Variants in STAU2 observed in about 807,000 individuals in gnomAD.
STAU2 encodes the protein staufen double-stranded RNA binding protein 2.
STAU2 carries 20 observed loss-of-function variants against 65.9 expected under a neutral mutation model. The ratio of observed to expected loss-of-function variants is 0.30; its 90% CI spans 0.21 to 0.44. The LOEUF (loss-of-function observed/expected upper bound fraction) is 0.44. Among genes scored for constraint, STAU2 ranks in the 20% least tolerant of loss-of-function variants. The probability of loss-of-function intolerance (pLI) is 1.00; values close to 1 mark genes in which losing one functional copy is unlikely to be tolerated. For missense variants in STAU2, 558 were observed against 683.9 expected (o/e 0.82, Z 2.05); for synonymous variants, 232 against 233.9 (o/e 0.99, Z 0.07).
chr8:73,607,357 C>A (rs1185082333), intron 9 of STAU2, among the ~76,000 whole-genome samples: 1 of 152,136 alleles, frequency 6.6e-6, no homozygotes, highest in Admixed American at 6.6e-5. Flanking sequence ...GGCAGTAGGT[C>A]TTTCTCACAC....
intron 12 of STAU2, among the ~76,000 whole-genome samples, chr8:73,575,119 C>G (rs575461998): frequency 3.3e-5 from 2 of 61,324 alleles, no homozygotes; most frequent in Non-Finnish European, 6.3e-5. Flanking sequence ...TGCACACAGT[C>G]CTACCAAGTA....
In STAU2 at chr8:73,709,041, A is replaced by T; in HGVS notation, c.105T>A (p.Ala35=). The T allele has an allele frequency of 2.0e-6, 3 of 1,527,474 alleles. No individual in the cohort carries two copies. The highest frequency in any genetic ancestry group is 2.6e-6 in the Non-Finnish European group (3 of 1,142,602). The allele number at this position is 1,527,474 out of a possible 1,614,324, so 94.6% of individuals were successfully genotyped here. A position where few individuals can be genotyped will look rare whatever the true frequency, so the allele number is the denominator to read the frequency against. The change falls in exon 4 of 15, where the codon GCT becomes GCA. Residue 35 remains alanine, a synonymous_variant. Transcript: ENST00000524300. Reference sequence around the variant, plus strand: ...CTCTTCATAACCTTACCTTTGAATGAGCAGGCCCTCTTTCATTCAGAAGTT... The same window carrying T: ...CTCTTCATAACCTTACCTTTGAATGTGCAGGCCCTCTTTCATTCAGAAGTT... ...QYKLLNERGP[A]HSKMFSVQLS...
chr8:73,433,993 A>C (rs909314943), intron 13 of STAU2, among the ~76,000 whole-genome samples: 4 of 151,848 alleles, frequency 2.6e-5, no homozygotes, highest in African/African-American at 9.7e-5. Context: ...ATTACTTCCC[A>C]TGGCAAAAGG....
At chr8:73,733,597 C>T (rs993507238) in intron 3 of STAU2, among the ~76,000 whole-genome samples, 1 of 151,986 alleles carries the variant, frequency 6.6e-6, no homozygotes, top group East Asian at 1.9e-4. Flanking sequence ...ATTATAAATA[C>T]TAACTCAGAA....
chr8:73,708,863 G>A (rs1820700398), intron 4 of STAU2, among the ~76,000 whole-genome samples, 169 bp downstream of exon 4: 1 of 152,102 alleles, frequency 6.6e-6, no homozygotes, highest in African/African-American at 2.4e-5. Context: ...ACCACAGTGA[G>A]CTACAAAATA....
At chr8:73,651,872 C>G (rs1038010817) in intron 6 of STAU2, among the ~76,000 whole-genome samples, 2 of 152,232 alleles carry the variant, frequency 1.3e-5, no homozygotes, top group Admixed American at 1.3e-4. Context: ...CTCAGCTGTT[C>G]TGTTTACATT....
intron 3 of STAU2, among the ~76,000 whole-genome samples, chr8:73,723,293 G>C (rs1821812701): frequency 1.3e-5 from 2 of 152,258 alleles, no homozygotes; most frequent in Admixed American, 6.5e-5. Context: ...CCCCAGCCAG[G>C]AATCAATTCT....
At chr8:73,527,611 G>C (rs752400364) in intron 13 of STAU2, 10 of 1,040,516 alleles carry the variant, frequency 9.6e-6, no homozygotes, top group Non-Finnish European at 1.4e-5. Flanking sequence ...AGCTGCATGT[G>C]CGCACATAGC....
intron 13 of STAU2, among the ~76,000 whole-genome samples, chr8:73,450,707 T>C (rs1172340959): frequency 6.6e-6 from 1 of 152,240 alleles, no homozygotes; most frequent in African/African-American, 2.4e-5. Flanking sequence ...AAGTACCCTC[T>C]GCCTTCAATC....
intron 13 of STAU2, among the ~76,000 whole-genome samples, chr8:73,474,618 T>C (rs1820217609): frequency 6.6e-6 from 1 of 152,142 alleles, no homozygotes; most frequent in Non-Finnish European, 1.5e-5. Flanking sequence ...AGGTGTATTC[T>C]GTTCATCTTA....
intron 13 of STAU2, among the ~76,000 whole-genome samples, chr8:73,464,601 C>CACAT (rs144220531): frequency 0.35 from 26,660 of 76,628 alleles, 2,719 homozygotes; most frequent in East Asian, 0.61. Context: ...TGTGCACGCG[C>CACAT]ACACACACAC....
chr8:73,665,660 G>T (rs553889255), intron 6 of STAU2, among the ~76,000 whole-genome samples: 2 of 152,216 alleles, frequency 1.3e-5, no homozygotes, highest in African/African-American at 4.8e-5. Flanking sequence ...AGCACCATCT[G>T]GTGGCAGAAA....
At chr8:73,704,036 T>C (rs1282386998) in intron 4 of STAU2, among the ~76,000 whole-genome samples, 2 of 152,204 alleles carry the variant, frequency 1.3e-5, no homozygotes, top group African/African-American at 4.8e-5. Context: ...TCTCTTATCC[T>C]ATACTTCCAC....
chr8:73,618,364 T>C (rs2129895092), intron 6 of STAU2, among the ~76,000 whole-genome samples: 1 of 152,184 alleles, frequency 6.6e-6, no homozygotes, highest in Middle Eastern at 3.4e-3. Context: ...AGACATGAAA[T>C]AAGTTAGGGA....
intron 13 of STAU2, among the ~76,000 whole-genome samples, chr8:73,477,712 AC>A (rs1449494690): frequency 2.0e-5 from 3 of 152,176 alleles, no homozygotes; most frequent in Non-Finnish European, 2.9e-5. Context: ...GGAGGGATAC[AC>A]TGAGGAGGAC....
At chr8:73,513,763 T>A (rs1324020033) in intron 13 of STAU2, among the ~76,000 whole-genome samples, 1 of 152,194 alleles carries the variant, frequency 6.6e-6, no homozygotes, top group East Asian at 1.9e-4. Context: ...AGATGTCTAC[T>A]GTTACTCATA....
intron 3 of STAU2, among the ~76,000 whole-genome samples, chr8:73,736,127 T>G (rs971560153): frequency 6.6e-6 from 1 of 152,226 alleles, no homozygotes; most frequent in African/African-American, 2.4e-5. Flanking sequence ...TTTGTTGCAC[T>G]AGGGAAGTTT....
intron 5 of STAU2, among the ~76,000 whole-genome samples, chr8:73,686,730 T>C (rs1048033667): frequency 2.6e-5 from 4 of 151,424 alleles, no homozygotes; most frequent in South Asian, 2.1e-4. Flanking sequence ...CCAAAAACTA[T>C]TGAAATAAAA....
Position 73,600,258 on chromosome 8 carries a change from G to A in STAU2, c.1029+3468C>T, listed in dbSNP as rs947363912. On this transcript the variant is annotated intron_variant, in intron 10 of 14. Coordinates refer to ENST00000524300, the MANE Select transcript of STAU2 (RefSeq NM_001164380.2). ...TGACAGTTCATACAGCACATGAAAC[G>A]CTGAAAACATATTCATTACAGAATT... 3.9e-5 allele frequency among the ~76,000 whole-genome samples: 6 copies of A among 152,174 alleles called. No individual in the cohort carries two copies. The East Asian group carries it at 7.7e-4, about 20-fold the overall frequency.
Sources: gnomAD v4.1 joint callset for allele counts (sites outside exome capture counted in the v4.1 genomes callset) on GRCh38, gnomAD v4.1.1 for gene constraint, MANE v1.5 for transcripts, NCBI Gene and HGNC (gene_info 2026-07-23, HGNC 2026-07-21) for gene names.